TMEM131: variants seen among roughly 807,000 people sequenced by gnomAD.
TMEM131 encodes the protein 2610524E03Rik.
A neutral mutation model predicts 211.6 loss-of-function variants in TMEM131; 66 were observed. That is an observed-to-expected ratio of 0.31 (90% CI 0.26 to 0.38). TMEM131 has a LOEUF of 0.38. Among genes scored for constraint, TMEM131 ranks in the 10% least tolerant of loss-of-function variants. The pLI is 1.00. For missense variants in TMEM131, 2,036 were observed against 2,299.3 expected, an observed-to-expected ratio of 0.89 and a Z score of 2.34; for synonymous variants, 844 against 841.3, an observed-to-expected ratio of 1.00 and a Z score of -0.06.
At position 97,947,636 on chromosome 2, in the gene TMEM131, G is replaced by A. The variant is rs117405121; in HGVS notation, c.188-20149C>T. Among the ~76,000 whole-genome samples the A allele has an allele frequency of 3.2e-3, 492 of 152,158 alleles. 7 individuals carry two copies. In the East Asian group the frequency reaches 0.041, roughly 13 times the overall value. ...TTGTTACAGCAATTTTCCCCAAATT[G>A]ATCTAGACAGTCAATACAATTCCAA... On this transcript the variant is annotated intron_variant, in intron 1 of 40. Transcript: ENST00000186436.
intron 5 of TMEM131, among the ~76,000 whole-genome samples, chr2:97,856,319 C>T (rs966130215): frequency 6.6e-6 from 1 of 151,942 alleles, no homozygotes; most frequent in Admixed American, 6.6e-5. Context: ...TAGATAATTA[C>T]AAAAACTTAT....
At chr2:97,851,450 C>G (rs1388790993) in intron 5 of TMEM131, among the ~76,000 whole-genome samples, 1 of 152,202 alleles carries the variant, frequency 6.6e-6, no homozygotes, top group Non-Finnish European at 1.5e-5. Context: ...ATCTTCAAAA[C>G]ATACAGCATA....
intron 6 of TMEM131, among the ~76,000 whole-genome samples, chr2:97,843,159 T>C (rs1403332961): frequency 2.6e-5 from 4 of 152,036 alleles, no homozygotes; most frequent in Non-Finnish European, 5.9e-5. Flanking sequence ...GTAAAGATTA[T>C]GGTCTTTATA....
chr2:97,949,359 G>A (rs977580361), intron 1 of TMEM131, among the ~76,000 whole-genome samples: 3 of 152,172 alleles, frequency 2.0e-5, no homozygotes, highest in South Asian at 2.1e-4. Context: ...GGATTAGGAA[G>A]GGAGGTAAGA....
chr2:97,965,064 G>T (rs193199136), intron 1 of TMEM131, among the ~76,000 whole-genome samples: 2 of 152,092 alleles, frequency 1.3e-5, no homozygotes, highest in African/African-American at 4.8e-5. Flanking sequence ...AGAGCTCCGC[G>T]GCATGCCACA....
chr2:97,899,071 C>T (rs746018830), intron 3 of TMEM131, among the ~76,000 whole-genome samples: 6 of 151,934 alleles, frequency 3.9e-5, no homozygotes, highest in African/African-American at 7.2e-5. Context: ...TTTTCCTTCA[C>T]GTACTTTAAA....
chr2:97,852,262 A>G (rs1343968636), intron 5 of TMEM131, among the ~76,000 whole-genome samples: 1 of 151,564 alleles, frequency 6.6e-6, no homozygotes, highest in Non-Finnish European at 1.5e-5. Flanking sequence ...TCCAGGTTCA[A>G]GCGATTCTTG....
intron 3 of TMEM131, among the ~76,000 whole-genome samples, chr2:97,903,776 C>G (rs1203158814): frequency 6.6e-6 from 1 of 152,048 alleles, no homozygotes; most frequent in Non-Finnish European, 1.5e-5. Flanking sequence ...TTCCGCCTCC[C>G]GGGTTCAAGC....
rs1477154604 is a variant in TMEM131 at position 97,757,092 on chromosome 2, G to T, written c.*7C>A. On this transcript the variant is annotated 3_prime_UTR_variant, in exon 41 of 41. Transcript: ENST00000186436. ...GGCCCACTATGTTTGTTTGTTTTTTGCTTAATTTAATTCTCGTGAGGAAAG... is the reference window on the plus strand; with the variant it reads ...GGCCCACTATGTTTGTTTGTTTTTTTCTTAATTTAATTCTCGTGAGGAAAG... 7 of 1,569,738 alleles carry T rather than the reference G, an allele frequency of 4.5e-6. No individual in the cohort carries two copies. The Admixed American group carries it at 7.5e-5, about 17-fold the overall frequency.
At chr2:97,837,201 C>T (rs1451346747) in intron 7 of TMEM131, 44 bp from the exon 8 acceptor site, 1 of 1,449,870 alleles carries the variant, frequency 6.9e-7, no homozygotes, top group Middle Eastern at 1.8e-4. Flanking sequence ...AAGTCATATT[C>T]TCAAAGCAGG....
In TMEM131 at chr2:97,792,388, T is replaced by C; in HGVS notation, c.4142A>G (p.Lys1381Arg). ...EQPPSPLPKS[K>R]GKGKPLQRKV... Reference sequence around the variant, plus strand: ...CTCCGGCAGTGGGAGATGATTACCTTTGCTTTTTGGCAATGGCGATGGAGG... The same window carrying C: ...CTCCGGCAGTGGGAGATGATTACCTCTGCTTTTTGGCAATGGCGATGGAGG... The change falls in exon 31 of 41, where the codon AAA becomes AGA. Residue 1381 changes from lysine to arginine, a missense_variant and splice_region_variant. Physicochemically the swap from Lys to Arg is conservative, Grantham distance 26. Coordinates refer to ENST00000186436, the MANE Select transcript of TMEM131 (RefSeq NM_015348.2). The C allele has an allele frequency of 6.4e-7, 1 of 1,567,502 alleles. No individual in the cohort carries two copies.
rs1426170053 is a variant in TMEM131, at chr2:97,994,645, TG to T, written c.187+830del. Among the ~76,000 whole-genome samples, 4 of 152,220 alleles carry T rather than the reference TG, an allele frequency of 2.6e-5. No homozygotes were observed. In the East Asian group the frequency reaches 7.7e-4, roughly 29 times the overall value. ...CTTAGTCAATTCTTCATGAAGGCTC[TG>T]TGACCATTCACATGTCCCTTGGCTC... On this transcript the variant is annotated intron_variant, in intron 1 of 40. Coordinates refer to ENST00000186436, the MANE Select transcript of TMEM131 (RefSeq NM_015348.2).
chr2:97,973,584 G>A (rs1389069451), intron 1 of TMEM131, among the ~76,000 whole-genome samples: 2 of 152,218 alleles, frequency 1.3e-5, no homozygotes, highest in African/African-American at 4.8e-5. Flanking sequence ...GAACTACAGA[G>A]GGTCCCCATT....
At chr2:97,805,334 G>T in intron 21 of TMEM131, 42 bp downstream of exon 21, 2 of 1,595,990 alleles carry the variant, frequency 1.3e-6, no homozygotes, top group East Asian at 4.5e-5. Context: ...AGAGTATTTT[G>T]GGGGAAGTGA....
intron 39 of TMEM131, 86 bp downstream of exon 39, chr2:97,759,566 G>A (rs1217932392): frequency 5.1e-6 from 6 of 1,174,778 alleles, no homozygotes; most frequent in Non-Finnish European, 7.4e-6. Context: ...CTGCTGTGCT[G>A]TGTTCTCCAG....
At chr2:97,985,728 A>C (rs531361628) in intron 1 of TMEM131, among the ~76,000 whole-genome samples, 4 of 152,238 alleles carry the variant, frequency 2.6e-5, no homozygotes, top group African/African-American at 7.2e-5. Context: ...AATAGATCCC[A>C]GTACATAACA....
chr2:97,759,909 C>G lies in TMEM131; in HGVS notation c.5109-160G>C. The stretch of plus-strand genomic sequence containing the variant: ...GGAAGAGCTGAACAATGGCTGCTTA[C>G]CACAAGGGTTGAGTCGGAGGGAGCC... On this transcript the variant is annotated intron_variant, in intron 38 of 40. Transcript: ENST00000186436. The G allele has an allele frequency of 9.6e-6, 6 of 623,392 alleles. No homozygotes were observed. The South Asian group carries it at 1.2e-4, about 12-fold the overall frequency. The allele number at this position is 623,392 out of a possible 1,614,324, so 38.6% of individuals were successfully genotyped here.
intron 25 of TMEM131, 89 bp from the exon 26 acceptor site, chr2:97,797,605 A>G: frequency 8.3e-7 from 1 of 1,201,086 alleles, no homozygotes; most frequent in Non-Finnish European, 1.2e-6. Flanking sequence ...AGCCCAGTAT[A>G]GTTTCTCAAA....
Position 97,837,121 on chromosome 2 carries a change from G to A in TMEM131, c.760C>T (p.Leu254=), listed in dbSNP as rs768020636. 5 of 1,610,314 alleles carry A rather than the reference G, an allele frequency of 3.1e-6. No homozygotes were observed. Among genetic ancestry groups the A allele is most frequent in the Non-Finnish European group, 4.2e-6 (5 of 1,178,534 alleles). ...EMYSSGGDLH[L]ELPTGQQGGT... ...CCTTGTTGACCCGTTGGGAGTTCTA[G>A]GTGAAGGTCTCCTCCACTAGAGTAC... The change falls in exon 8 of 41, where the codon CTA becomes TTA. Residue 254 remains leucine (L), a synonymous_variant. Transcript: ENST00000186436.
Sources: gnomAD v4.1 joint callset for allele counts (sites outside exome capture counted in the v4.1 genomes callset) on GRCh38, gnomAD v4.1.1 for gene constraint, MANE v1.5 for transcripts, NCBI Gene and HGNC (gene_info 2026-07-23, HGNC 2026-07-21) for gene names.